Variants in CTNNA2 observed in about 807,000 individuals in gnomAD.
CTNNA2 encodes the protein catenin alpha-2.
In CTNNA2, 42 loss-of-function variants were observed where a neutral mutation model predicts 101.0. The ratio of observed to expected loss-of-function variants is 0.42; its 90% CI spans 0.32 to 0.54. The LOEUF is 0.54. CTNNA2 is among the 20% of genes least tolerant of loss of function. The pLI is 0.14. For missense variants in CTNNA2, 871 were observed against 1,223.1 expected (o/e 0.71, Z 4.29); for synonymous variants, 450 against 456.4 (o/e 0.99, Z 0.18).
intron 3 of CTNNA2, among the ~76,000 whole-genome samples, chr2:79,348,829 G>T (rs1677320778): frequency 6.6e-6 from 1 of 152,160 alleles, no homozygotes; most frequent in African/African-American, 2.4e-5. Context: ...ACCACTTGGT[G>T]TCTTATTTGC....
intron 3 of CTNNA2, among the ~76,000 whole-genome samples, chr2:79,362,075 A>G (rs1677643665): frequency 6.6e-6 from 1 of 152,190 alleles, no homozygotes. Context: ...GAATGCTATC[A>G]TGGTGGTCAG....
chr2:80,090,152 G>C (rs879743982), intron 7 of CTNNA2, among the ~76,000 whole-genome samples: 5,802 of 49,344 alleles, frequency 0.12, 98 homozygotes, highest in South Asian at 0.27. Flanking sequence ...CTCTCTGTGT[G>C]TGTGTGTGTG....
rs189564741 is a variant in CTNNA2 at position 79,348,787 on chromosome 2, C to A, written c.-317-25044C>A. On this transcript the variant is annotated intron_variant, in intron 3 of 21. Coordinates refer to the CTNNA2 transcript ENST00000466387. ...CTTCCCCTTGTCTAGACACAGCAGTCTTTACTAGGTCTTTTCCAGGACAAT... is the reference window on the plus strand; with the variant it reads ...CTTCCCCTTGTCTAGACACAGCAGTATTTACTAGGTCTTTTCCAGGACAAT... Among the ~76,000 whole-genome samples, 22 of 152,284 alleles carry A rather than the reference C, an allele frequency of 1.4e-4. No individual in the cohort carries two copies. In the East Asian group the frequency reaches 3.1e-3, roughly 21 times the overall value.
intron 17 of CTNNA2, among the ~76,000 whole-genome samples, chr2:80,614,588 T>C (rs1203905499): frequency 6.6e-6 from 1 of 151,462 alleles, no homozygotes; most frequent in African/African-American, 2.4e-5. Context: ...AGAAGTATTA[T>C]TTTATAAAGC....
intron 7 of CTNNA2, among the ~76,000 whole-genome samples, chr2:80,020,400 G>A (rs1694475100): frequency 6.6e-6 from 1 of 152,158 alleles, no homozygotes; most frequent in African/African-American, 2.4e-5. Context: ...AGGGAAAGGA[G>A]AGGTAGAAAA....
At chr2:80,095,952 C>A (rs1166574038) in intron 7 of CTNNA2, among the ~76,000 whole-genome samples, 1 of 152,076 alleles carries the variant, frequency 6.6e-6, no homozygotes, top group Admixed American at 6.5e-5. Flanking sequence ...TTCAAAAAAC[C>A]AGCTCCTGGA....
chr2:79,573,356 C>A (rs1248621857), intron 1 of CTNNA2, among the ~76,000 whole-genome samples: 2 of 152,126 alleles, frequency 1.3e-5, no homozygotes, highest in South Asian at 4.1e-4. Flanking sequence ...AGCCTCATAC[C>A]CAAATGCAAT....
intron 7 of CTNNA2, among the ~76,000 whole-genome samples, chr2:80,350,653 A>C (rs543386138): frequency 6.6e-6 from 1 of 152,266 alleles, no homozygotes; most frequent in East Asian, 1.9e-4. Context: ...TCTACCTAGG[A>C]TTTTAATGAA....
intron 7 of CTNNA2, among the ~76,000 whole-genome samples, chr2:80,346,865 T>C (rs1435745539): frequency 1.3e-5 from 2 of 152,226 alleles, no homozygotes; most frequent in African/African-American, 4.8e-5. Flanking sequence ...CCCCCATGTG[T>C]TGAATAAAAT....
chr2:79,546,870 C>T (rs748127949), intron 1 of CTNNA2, among the ~76,000 whole-genome samples: 1 of 152,156 alleles, frequency 6.6e-6, no homozygotes, highest in Non-Finnish European at 1.5e-5. Flanking sequence ...GTTAAGGAAG[C>T]TGGGTTGTAT....
intron 9 of CTNNA2, among the ~76,000 whole-genome samples, chr2:80,457,949 T>C (rs1263227261): frequency 6.6e-6 from 1 of 152,202 alleles, no homozygotes; most frequent in African/African-American, 2.4e-5. Flanking sequence ...TTCCTTGAAA[T>C]TTTAGTTCAT....
intron 4 of CTNNA2, among the ~76,000 whole-genome samples, chr2:79,457,497 GAAATA>G (rs893611025): frequency 6.6e-6 from 1 of 152,120 alleles, no homozygotes; most frequent in African/African-American, 2.4e-5. Flanking sequence ...CATTGGGGGG[GAAATA>G]AAATGTTAAT....
At chr2:80,375,878 T>G (rs982629312) in intron 7 of CTNNA2, among the ~76,000 whole-genome samples, 1 of 152,222 alleles carries the variant, frequency 6.6e-6, no homozygotes, top group East Asian at 1.9e-4. Flanking sequence ...GTCAGACTTA[T>G]AGCTGGTTTT....
chr2:79,252,856 G>T (rs1674791018), intron 2 of CTNNA2, among the ~76,000 whole-genome samples: 1 of 151,918 alleles, frequency 6.6e-6, no homozygotes, highest in Non-Finnish European at 1.5e-5. Flanking sequence ...TTGAGAGCTG[G>T]CAGTGAAATC....
chr2:80,323,421 C>G (rs1441354668), intron 7 of CTNNA2, among the ~76,000 whole-genome samples: 1 of 152,052 alleles, frequency 6.6e-6, no homozygotes, highest in Non-Finnish European at 1.5e-5. Context: ...TGCTTGCCTG[C>G]TGTCTCACAA....
intron 1 of CTNNA2, among the ~76,000 whole-genome samples, chr2:79,609,631 A>T (rs1258872548): frequency 2.0e-5 from 3 of 152,142 alleles, no homozygotes; most frequent in Non-Finnish European, 4.4e-5. Context: ...AAAGTCCAGG[A>T]ATAGACCAGC....
intron 15 of CTNNA2, 146 bp downstream of exon 15, chr2:80,589,631 T>A (rs185397981): frequency 1.5e-6 from 1 of 684,538 alleles, no homozygotes; most frequent in Non-Finnish European, 2.4e-6. Context: ...TAAGTCAAAA[T>A]GATCTGCACT....
chr2:80,473,749 G>A (rs1043119602), intron 9 of CTNNA2, among the ~76,000 whole-genome samples: 1 of 152,178 alleles, frequency 6.6e-6, no homozygotes, highest in Non-Finnish European at 1.5e-5. Flanking sequence ...CATCCTGAGT[G>A]ATCAAAAATA....
intron 7 of CTNNA2, among the ~76,000 whole-genome samples, chr2:80,034,897 A>T (rs2104223597): frequency 6.6e-6 from 1 of 152,326 alleles, no homozygotes; most frequent in Admixed American, 6.5e-5. Flanking sequence ...CAAAATTTCA[A>T]ATTCATATAC....
Sources: gnomAD v4.1 joint callset for allele counts (sites outside exome capture counted in the v4.1 genomes callset) on GRCh38, gnomAD v4.1.1 for gene constraint, MANE v1.5 for transcripts, NCBI Gene and HGNC (gene_info 2026-07-23, HGNC 2026-07-21) for gene names.